Variants in SPIRE2 observed in about 807,000 individuals in gnomAD.
SPIRE2 encodes protein spire homolog 2.
Under a neutral mutation model 80.7 loss-of-function variants are expected in SPIRE2, and 76 were observed. That is an observed-to-expected ratio of 0.94 (90% CI 0.78 to 1.14). The LOEUF is 1.14. Among genes scored for constraint, SPIRE2 ranks in the 50% most tolerant of loss-of-function variants. The pLI is 0.00. For missense variants in SPIRE2, 1,196 were observed against 1,015.3 expected (o/e 1.18, Z -2.42); for synonymous variants, 535 against 432.6 (o/e 1.24, Z -2.94).
chr16:89,845,132 G>A (rs1487463805), intron 1 of SPIRE2, among the ~76,000 whole-genome samples, 190 bp from the exon 2 acceptor site: 3 of 152,218 alleles, frequency 2.0e-5, no homozygotes, highest in Non-Finnish European at 2.9e-5. Flanking sequence ...CCTGCTTAGA[G>A]CCAGCTCGAG....
chr16:89,848,574 A>G (rs1381681546), intron 2 of SPIRE2, among the ~76,000 whole-genome samples: 200 of 65,642 alleles, frequency 3.0e-3, no homozygotes, highest in Admixed American at 4.2e-3. Context: ...CTTCTACAGT[A>G]TTTCTGCAGG....
intron 1 of SPIRE2, among the ~76,000 whole-genome samples, chr16:89,840,781 G>A (rs1265781645): frequency 1.3e-5 from 2 of 150,480 alleles, no homozygotes; most frequent in African/African-American, 2.5e-5. Context: ...GACTACAGGT[G>A]CCCGCCACCA....
intron 5 of SPIRE2, 107 bp downstream of exon 5, chr16:89,854,758 C>T (rs540490142): frequency 2.2e-5 from 28 of 1,282,668 alleles, no homozygotes; most frequent in Non-Finnish European, 7.6e-6. Context: ...CAGAGAGCGG[C>T]CCAGGGTCCC....
In SPIRE2 at chr16:89,858,419, A is replaced by T. The variant is rs766337569; in HGVS notation, c.1184A>T (p.Asp395Val). Reference sequence around the variant, plus strand: ...TCCTGCATCAACCTGTCAGTCACAGATGCTGGGGGCAGCGCCCAGCGCCCG... The same window carrying T: ...TCCTGCATCAACCTGTCAGTCACAGTTGCTGGGGGCAGCGCCCAGCGCCCG... ...STSCINLSVTDAGGSAQRPRP... is the reference protein window; with the variant it reads ...STSCINLSVTVAGGSAQRPRP... The change falls in exon 8 of 15, where the codon GAT becomes GTT. Residue 395 changes from aspartate to valine, a missense_variant. By Grantham distance (152) the Asp-to-Val change is radical (BLOSUM62 -3). Coordinates refer to ENST00000378247, the MANE Select transcript of SPIRE2 (RefSeq NM_032451.2). 1.2e-6 allele frequency: 2 copies of T among 1,612,022 alleles called. No individual in the cohort carries two copies. Among genetic ancestry groups the T allele is most frequent in the Non-Finnish European group, 1.7e-6 (2 of 1,179,660 alleles).
intron 13 of SPIRE2, among the ~76,000 whole-genome samples, chr16:89,869,031 TA>T (rs766356633): frequency 0.014 from 332 of 23,928 alleles, 13 homozygotes; most frequent in East Asian, 0.11. Flanking sequence ...ATCTGTGTCT[TA>T]AAAAAAAAAA....
At chr16:89,854,398 G>A (rs2143812086) in intron 4 of SPIRE2, 32 bp downstream of exon 4, 1 of 1,611,016 alleles carries the variant, frequency 6.2e-7, no homozygotes, top group Non-Finnish European at 8.5e-7. Flanking sequence ...CCGGGCCACT[G>A]ACGCGGCCCA....
In SPIRE2 at chr16:89,863,416, GGA is replaced by G; in HGVS notation, c.1576-56_1576-55del. ...AGGGAGGGTTAGGGTCCTCAGGGAA[GGA>G]GAGTAAGCTAGGGGAGCCTCCTGCA... On this transcript the variant is annotated intron_variant, in intron 10 of 14. Coordinates refer to ENST00000378247, the MANE Select transcript of SPIRE2 (RefSeq NM_032451.2). This position sits in a 1 kb window ranked among gnomAD's most constrained non-coding sequence, Gnocchi z 4.3. The G allele has an allele frequency of 6.2e-7, 1 of 1,601,532 alleles. No homozygotes were observed. Among genetic ancestry groups the G allele is most frequent in the Non-Finnish European group, 8.5e-7 (1 of 1,172,086 alleles).
Position 89,830,136 on chromosome 16 carries a change from G to T in SPIRE2, c.244+1342G>T, listed in dbSNP as rs1020020000. 6.6e-5 allele frequency among the ~76,000 whole-genome samples: 10 copies of T among 151,224 alleles called. 1 individual carries two copies. Among genetic ancestry groups the T allele is most frequent in the Admixed American group, 2.0e-4 (3 of 15,230 alleles). ...AGAGCTCCTCATTTGTCCTAGCTGT[G>T]CGGGAGCCCAGCCGCCTGCTTCCTG... On this transcript the variant is annotated intron_variant, in intron 1 of 14. Transcript: ENST00000378247.
rs2041347947 is a variant in SPIRE2, at chr16:89,828,580, C to G, written c.30C>G (p.Ala10=). The G allele has an allele frequency of 1.7e-6, 2 of 1,172,106 alleles. No individual in the cohort carries two copies. The highest frequency in any genetic ancestry group is 2.1e-6 in the Non-Finnish European group (2 of 951,816). 72.6% of individuals were successfully genotyped at this position (1,172,106 alleles called of 1,614,324 possible). The change falls in exon 1 of 15, where the codon GCC becomes GCG. Residue 10 remains alanine, a synonymous_variant. Coordinates refer to ENST00000378247, the MANE Select transcript of SPIRE2 (RefSeq NM_032451.2). This position sits in a 1 kb window ranked among gnomAD's most constrained non-coding sequence, Gnocchi z 5.9. MARAGSCGG[A]AAGAGRPEPW... Reference sequence around the variant, plus strand: ...CCCGGGCGGGCAGCTGCGGCGGCGCCGCGGCGGGCGCAGGGCGGCCGGAGC... The same window carrying G: ...CCCGGGCGGGCAGCTGCGGCGGCGCGGCGGCGGGCGCAGGGCGGCCGGAGC...
chr16:89,858,362 T>C lies in SPIRE2; in HGVS notation c.1127T>C (p.Leu376Pro). ...GGGTTTGGCTCTCTGCCCTGCATCC[T>C]CAACGCCTGCTCCGGAGATGCCAAG... ...ARGFGSLPCI[L>P]NACSGDAKST... Residue 376 changes from leucine (L) to proline (P), a missense_variant, in exon 8 of 15, where the codon CTC (leucine) becomes CCC (proline). Coordinates refer to ENST00000378247, the MANE Select transcript of SPIRE2 (RefSeq NM_032451.2). The C allele has an allele frequency of 6.2e-7, 1 of 1,609,390 alleles. No homozygotes were observed. The highest frequency in any genetic ancestry group is 1.1e-5 in the South Asian group (1 of 89,984).
chr16:89,828,866 G>T lies in SPIRE2; in HGVS notation c.244+72G>T, dbSNP rs555820162. The T allele has an allele frequency of 5.7e-4, 642 of 1,127,300 alleles. No homozygotes were observed. Among genetic ancestry groups the T allele is most frequent in the Non-Finnish European group, 6.2e-4 (565 of 912,468 alleles). The allele number at this position is 1,127,300 out of a possible 1,614,324, so 69.8% of individuals were successfully genotyped here. A position where few individuals can be genotyped will look rare whatever the true frequency, so the allele number is the denominator to read the frequency against. ...TCCGTCCCGCCCCCTGGGTGGGGGT[G>T]GTCCCGGCGGAGAGGCTGCGACCGG... On this transcript the variant is annotated intron_variant, in intron 1 of 14. Coordinates refer to ENST00000378247, the MANE Select transcript of SPIRE2 (RefSeq NM_032451.2). This position sits in a 1 kb window ranked among gnomAD's most constrained non-coding sequence, Gnocchi z 5.9.
At chr16:89,856,601 C>T (rs1460788814) in intron 7 of SPIRE2, among the ~76,000 whole-genome samples, 3 of 141,858 alleles carry the variant, frequency 2.1e-5, no homozygotes, top group Admixed American at 7.3e-5. Flanking sequence ...CGTGCCACCA[C>T]GCCTGGCTAA....
chr16:89,854,243 A>G (rs991437149), intron 3 of SPIRE2, 43 bp from the exon 4 acceptor site: 3 of 1,587,774 alleles, frequency 1.9e-6, no homozygotes, highest in African/African-American at 1.3e-5. Context: ...TGCATCTGCC[A>G]TTCTCGTACC....
At chr16:89,838,391 C>T (rs1363637279) in intron 1 of SPIRE2, among the ~76,000 whole-genome samples, 1 of 152,058 alleles carries the variant, frequency 6.6e-6, no homozygotes, top group Non-Finnish European at 1.5e-5. Flanking sequence ...ACCATGTTGG[C>T]CAGGCTGGTC....
intron 13 of SPIRE2, among the ~76,000 whole-genome samples, chr16:89,869,049 A>AT (rs1463307597): frequency 2.4e-4 from 8 of 32,838 alleles, no homozygotes; most frequent in South Asian, 2.6e-3. Context: ...AAAAAAAAAA[A>AT]AAAAATATAT....
At chr16:89,842,645 G>A (rs2041516296) in intron 1 of SPIRE2, among the ~76,000 whole-genome samples, 1 of 152,236 alleles carries the variant, frequency 6.6e-6, no homozygotes, top group African/African-American at 2.4e-5. Context: ...GGCTTAGTCT[G>A]TGAAGGCACT....
chr16:89,849,839 A>G (rs1179307704), intron 2 of SPIRE2: 3 of 280,602 alleles, frequency 1.1e-5, no homozygotes, highest in South Asian at 9.5e-5. Context: ...CTTTTAAAAA[A>G]ACTTCTTTTT....
At chr16:89,843,011 A>G (rs762942690) in intron 1 of SPIRE2, among the ~76,000 whole-genome samples, 5 of 152,260 alleles carry the variant, frequency 3.3e-5, no homozygotes, top group Non-Finnish European at 5.9e-5. Context: ...TGGCTTAGAT[A>G]TAGACGCATA....
At chr16:89,831,546 C>T (rs546059005) in intron 1 of SPIRE2, among the ~76,000 whole-genome samples, 13 of 150,276 alleles carry the variant, frequency 8.7e-5, no homozygotes, top group African/African-American at 2.9e-4. Flanking sequence ...TACATGCGCC[C>T]GCCACCACGC....
Sources: gnomAD v4.1 joint callset for allele counts (sites outside exome capture counted in the v4.1 genomes callset) on GRCh38, gnomAD v4.1.1 for gene constraint, Gnocchi (gnomAD v3.1) non-coding constraint, MANE v1.5 for transcripts, NCBI Gene and HGNC (gene_info 2026-07-23, HGNC 2026-07-21) for gene names.